The following CDK5RAP2 variants were observed in gnomAD, a reference collection of about 807,000 sequenced individuals.
The protein encoded by CDK5RAP2 is CDK5 regulatory subunit-associated protein 2.
A neutral mutation model predicts 232.9 loss-of-function variants in CDK5RAP2; 147 were observed. The ratio of observed to expected loss-of-function variants is 0.63; its 90% CI spans 0.55 to 0.72. CDK5RAP2 has a LOEUF of 0.72. Ranked by LOEUF, CDK5RAP2 falls within the 30% of genes least tolerant of loss-of-function variation. The pLI is 0.00. For missense variants in CDK5RAP2, 2,195 were observed against 2,231.5 expected (o/e 0.98, Z 0.33); for synonymous variants, 833 against 833.7 (o/e 1.00, Z 0.01).
rs200673172 is a variant in CDK5RAP2 at position 120,419,800 on chromosome 9, T to A, written c.4165A>T (p.Ser1389Cys). The change falls in exon 27 of 38, where the codon AGT (serine) becomes TGT (cysteine). Residue 1389 changes from serine to cysteine, a missense_variant. Coordinates refer to ENST00000349780, the MANE Select transcript of CDK5RAP2 (RefSeq NM_018249.6). ...ETEKTSVMVN[S>C]FSQDLLMEHI... ...AGGCTTAGCTTACCTTGAGAAAAAC[T>A]GTTCACCATAACTGAAGTCTTCTCT... 1.2e-4 allele frequency: 191 copies of A among 1,613,570 alleles called. No homozygotes were observed. Among genetic ancestry groups the A allele is most frequent in the Middle Eastern group, 6.6e-4 (4 of 6,084 alleles).
intron 2 of CDK5RAP2, 63 bp downstream of exon 2, chr9:120,571,911 C>A: frequency 1.5e-6 from 2 of 1,309,140 alleles, no homozygotes; most frequent in African/African-American, 1.4e-5. Flanking sequence ...TCAAGATGCT[C>A]ACAGTCCAAT....
intron 20 of CDK5RAP2, among the ~76,000 whole-genome samples, chr9:120,457,679 T>C (rs910246367): frequency 4.6e-5 from 7 of 152,250 alleles, no homozygotes; most frequent in African/African-American, 7.2e-5. Flanking sequence ...CTGGCTCTTA[T>C]CAAGAGTCAT....
At chr9:120,494,773 C>G (rs531549690) in intron 12 of CDK5RAP2, among the ~76,000 whole-genome samples, 3 of 141,452 alleles carry the variant, frequency 2.1e-5, no homozygotes, top group African/African-American at 8.7e-5. Context: ...CGCCGGAGGC[C>G]CCAGAAGGGT....
intron 12 of CDK5RAP2, among the ~76,000 whole-genome samples, chr9:120,510,761 C>A (rs1161042646): frequency 1.3e-5 from 2 of 152,132 alleles, no homozygotes; most frequent in African/African-American, 4.8e-5. Context: ...TTTGTTTTTG[C>A]AAAGGTCTCC....
chr9:120,470,258 G>T, intron 16 of CDK5RAP2, 38 bp from the exon 17 acceptor site: 1 of 1,005,428 alleles, frequency 9.9e-7, no homozygotes, highest in Non-Finnish European at 1.5e-6. Context: ...GGGAGGGGGA[G>T]GAGAAAAAGA....
chr9:120,461,121 T>C (rs1243787185), intron 18 of CDK5RAP2, among the ~76,000 whole-genome samples: 1 of 152,226 alleles, frequency 6.6e-6, no homozygotes, highest in Admixed American at 6.5e-5. Context: ...TGTGCCCAAT[T>C]TATGCATCAC....
intron 22 of CDK5RAP2, among the ~76,000 whole-genome samples, chr9:120,447,476 G>A (rs1588361141): frequency 1.3e-5 from 2 of 152,212 alleles, no homozygotes; most frequent in African/African-American, 4.8e-5. Flanking sequence ...AGAGGAAGAC[G>A]CAAGGTTAGT....
rs75831423 is a variant in CDK5RAP2, at chr9:120,517,838, T to C, written c.1311+589A>G. On this transcript the variant is annotated intron_variant, in intron 12 of 37. Coordinates refer to ENST00000349780, the MANE Select transcript of CDK5RAP2 (RefSeq NM_018249.6). ...TACTCAAGAAACTGAGGTGGGAGGA[T>C]CACTTGAGCCCAGGAGTTCAGGAAC... 532 of 380,360 alleles carry C rather than the reference T, an allele frequency of 1.4e-3. 17 individuals are homozygous for C. In the East Asian group the frequency reaches 0.034, roughly 24 times the overall value. 23.6% of individuals were successfully genotyped at this position (380,360 alleles called of 1,614,324 possible). A position where few individuals can be genotyped will look rare whatever the true frequency, so the allele number is the denominator to read the frequency against.
intron 30 of CDK5RAP2, among the ~76,000 whole-genome samples, chr9:120,408,755 C>T (rs1344738987): frequency 2.0e-5 from 3 of 152,254 alleles, no homozygotes; most frequent in African/African-American, 7.2e-5. Context: ...AGATACACTG[C>T]CCTGCTCTGT....
chr9:120,516,405 T>C (rs2040342925), intron 12 of CDK5RAP2, among the ~76,000 whole-genome samples: 1 of 149,822 alleles, frequency 6.7e-6, no homozygotes, highest in Non-Finnish European at 1.5e-5. Context: ...TTAGGAGATA[T>C]ACCTAATGCT....
At chr9:120,480,641 T>C (rs1304378833) in intron 14 of CDK5RAP2, among the ~76,000 whole-genome samples, 4 of 152,208 alleles carry the variant, frequency 2.6e-5, no homozygotes, top group African/African-American at 7.2e-5. Context: ...CCTACACATA[T>C]ATTGTATGCA....
chr9:120,457,915 T>C (rs7047231), intron 20 of CDK5RAP2, among the ~76,000 whole-genome samples: 1 of 152,140 alleles, frequency 6.6e-6, no homozygotes, highest in African/African-American at 2.4e-5. Flanking sequence ...CTAGGAAGAA[T>C]ATGAAAGGGG....
intron 35 of CDK5RAP2, among the ~76,000 whole-genome samples, chr9:120,395,653 C>T (rs1372324182): frequency 6.6e-6 from 1 of 152,236 alleles, no homozygotes; most frequent in Non-Finnish European, 1.5e-5. Flanking sequence ...TGTCAGCTCA[C>T]GAAGAGTCAC....
intron 3 of CDK5RAP2, among the ~76,000 whole-genome samples, chr9:120,561,594 C>A (rs141197057): frequency 3.9e-5 from 6 of 152,248 alleles, no homozygotes; most frequent in Non-Finnish European, 8.8e-5. Context: ...GCCACCACAC[C>A]CAGCCTCAAT....
At chr9:120,401,632 AAGAG>A (rs1564170614) in intron 34 of CDK5RAP2, among the ~76,000 whole-genome samples, 2 of 149,652 alleles carry the variant, frequency 1.3e-5, no homozygotes, top group Non-Finnish European at 3.0e-5. Context: ...AAAAAAAAAA[AAGAG>A]AGAAAAAAGA....
intron 32 of CDK5RAP2, 39 bp from the exon 33 acceptor site, chr9:120,404,152 T>C (rs1394071793): frequency 2.3e-6 from 3 of 1,292,884 alleles, no homozygotes; most frequent in South Asian, 1.2e-5. Flanking sequence ...AGTTTCACTG[T>C]TGTCAGCATT....
At chr9:120,476,570 T>C (rs566172516) in intron 15 of CDK5RAP2, among the ~76,000 whole-genome samples, 66 of 151,776 alleles carry the variant, frequency 4.3e-4, no homozygotes, top group African/African-American at 1.5e-3. Context: ...TCCCAACTAC[T>C]TGGGAGGCTG....
At chr9:120,549,729 G>A (rs935624615) in intron 4 of CDK5RAP2, among the ~76,000 whole-genome samples, 1 of 152,130 alleles carries the variant, frequency 6.6e-6, no homozygotes, top group Admixed American at 6.5e-5. Context: ...GGTTCTAGAC[G>A]CATGACCACC....
chr9:120,406,879 C>G, intron 32 of CDK5RAP2, 133 bp downstream of exon 32: 1 of 717,430 alleles, frequency 1.4e-6, no homozygotes, highest in Non-Finnish European at 2.4e-6. Flanking sequence ...TCCCCTGGCT[C>G]CTAGGGTACA....
Sources: allele counts gnomAD v4.1 joint callset (sites outside exome capture counted in the v4.1 genomes callset), GRCh38; gene constraint gnomAD v4.1.1; transcripts MANE v1.5; gene names NCBI Gene and HGNC (gene_info 2026-07-23, HGNC 2026-07-21).